Variants in MIDEAS observed in about 807,000 individuals in gnomAD.
MIDEAS encodes mitotic deacetylase associated SANT domain protein, also known as mitotic deacetylase-associated SANT domain protein.
Under a neutral mutation model 102.7 loss-of-function variants are expected in MIDEAS, and 26 were observed. That is an observed-to-expected ratio of 0.25 (90% CI 0.19 to 0.35). The LOEUF (loss-of-function observed/expected upper bound fraction) is 0.35, where lower values mean the gene tolerates loss of function less well. MIDEAS is among the 10% of genes least tolerant of loss of function. The pLI is 1.00. For synonymous variants in MIDEAS, 585 were observed against 591.0 expected (o/e 0.99, Z 0.15); for missense variants, 1,231 against 1,435.6 (o/e 0.86, Z 2.30).
intron 3 of MIDEAS, among the ~76,000 whole-genome samples, chr14:73,731,614 T>C (rs1241476902): frequency 1.3e-5 from 2 of 152,252 alleles, no homozygotes; most frequent in African/African-American, 2.4e-5. Context: ...AAAATAGTCA[T>C]GTTCATTTTT....
At position 73,759,766 on chromosome 14, in the gene MIDEAS, G is replaced by A. The variant is rs2140156220; in HGVS notation, c.-251C>T. The A allele has an allele frequency of 6.6e-6, 1 of 151,822 alleles. No homozygotes were observed. The highest frequency in any genetic ancestry group is 3.4e-3 in the Middle Eastern group (1 of 292). The allele number at this position is 151,822 out of a possible 1,614,324, so 9.4% of individuals were successfully genotyped here. A position where few individuals can be genotyped will look rare whatever the true frequency, so the allele number is the denominator to read the frequency against. The stretch of plus-strand genomic sequence containing the variant: ...CCGGCCAGGCAGCCCCACTTACCCA[G>A]CTCTTGCCCGGGCTCCGGGCTCCGG... On this transcript the variant is annotated 5_prime_UTR_variant, in exon 1 of 13. Transcript: ENST00000423556. This position sits in a 1 kb window ranked among gnomAD's most constrained non-coding sequence, Gnocchi z 6.7.
intron 1 of MIDEAS, among the ~76,000 whole-genome samples, chr14:73,778,155 G>A (rs1173141054): frequency 6.6e-6 from 1 of 151,900 alleles, no homozygotes; most frequent in African/African-American, 2.4e-5. Flanking sequence ...AGGAGTTCAG[G>A]AGCAGCCTGG....
rs570189202 is a variant in MIDEAS at position 73,735,135 on chromosome 14, C to T, written c.1749+1863G>A. On this transcript the variant is annotated intron_variant, in intron 3 of 12. Transcript: ENST00000423556. Reference sequence around the variant, plus strand: ...GGGGACTGGGGAGATGCTGGTCAAACGAAATATAATTTCAGTTAGGAAAAA... The same window carrying T: ...GGGGACTGGGGAGATGCTGGTCAAATGAAATATAATTTCAGTTAGGAAAAA... 1.8e-4 allele frequency among the ~76,000 whole-genome samples: 27 copies of T among 152,076 alleles called. 1 individual carries two copies. In the South Asian group the frequency reaches 5.4e-3, roughly 30 times the overall value.
At chr14:73,720,261 T>C (rs1194489082) in intron 11 of MIDEAS, among the ~76,000 whole-genome samples, 5 of 136,134 alleles carry the variant, frequency 3.7e-5, no homozygotes, top group African/African-American at 1.1e-4. Flanking sequence ...TTTTTTGAGA[T>C]GGAGTCTTGC....
In MIDEAS at chr14:73,726,071, C is replaced by T. The variant is rs1224693032; in HGVS notation, c.2447G>A (p.Arg816Gln). Residue 816 changes from arginine to glutamine, a missense_variant, in exon 8 of 13, where the codon CGG becomes CAG. Physicochemically the swap from Arg to Gln is conservative, Grantham distance 43 (BLOSUM62 1). This residue lies in a region of MIDEAS where 391 missense variants were observed against 483.0 expected (regional missense o/e 0.81). Transcript: ENST00000423556. ...AGTTGCCAGCGGATGGTTGTGGGGC[C>T]GCAGGGGCTTCTTCAGCAGCAGCTT... ...LNKLLLKKPLRPHNHPLATYH... is the reference protein window; with the variant it reads ...LNKLLLKKPLQPHNHPLATYH... The T allele has an allele frequency of 5.0e-6, 8 of 1,598,918 alleles. No homozygotes were observed. The highest frequency in any genetic ancestry group is 3.4e-5 in the South Asian group (3 of 87,910).
intron 11 of MIDEAS, 111 bp from the exon 12 acceptor site, chr14:73,719,612 A>C: frequency 9.2e-7 from 1 of 1,081,666 alleles, no homozygotes; most frequent in African/African-American, 1.6e-5. Context: ...CCTGCCAAAC[A>C]GTCACCTAGC....
Position 73,738,615 on chromosome 14 carries a change from T to G in MIDEAS, c.1394A>C (p.Asn465Thr). ...AGCCTTCTGGGCCAGGGTCAGCAAA[T>G]TGGCCTCCTGGGATGCCCGGCGCCT... ...RRRRRASQEA[N>T]LLTLAQKAVE... The change falls in exon 2 of 13, where the codon AAT becomes ACT. Residue 465 changes from asparagine (N) to threonine (T), a missense_variant. By Grantham distance (65) the Asn-to-Thr change is moderately conservative (BLOSUM62 0). Around this residue, in one of 5 missense-constraint regions of MIDEAS, gnomAD observed 758 missense variants for 856.0 expected, o/e 0.89. Coordinates refer to ENST00000423556, the MANE Select transcript of MIDEAS (RefSeq NM_001367710.1). 1 of 1,610,924 alleles carries G rather than the reference T, an allele frequency of 6.2e-7. No individual in the cohort carries two copies. Among genetic ancestry groups the G allele is most frequent in the Non-Finnish European group, 8.5e-7 (1 of 1,178,360 alleles).
chr14:73,740,568 C>G (rs753527251), intron 1 of MIDEAS, among the ~76,000 whole-genome samples: 13 of 152,232 alleles, frequency 8.5e-5, no homozygotes, highest in Non-Finnish European at 1.5e-4. Flanking sequence ...TAGGCACATT[C>G]TAAGGCACAG....
rs1007256201 is a variant in MIDEAS at position 73,715,554 on chromosome 14, A to T, written c.*3289T>A. 6.6e-6 allele frequency: 1 copy of T among 152,466 alleles called. No homozygotes were observed. The highest frequency in any genetic ancestry group is 1.5e-5 in the Non-Finnish European group (1 of 68,048). 9.4% of individuals were successfully genotyped at this position (152,466 alleles called of 1,614,324 possible). A position where few individuals can be genotyped will look rare whatever the true frequency, so the allele number is the denominator to read the frequency against. On this transcript the variant is annotated 3_prime_UTR_variant, in exon 13 of 13. Transcript: ENST00000423556. ...TGAGGAAAAAGTGAAACAGCTGCAAATTGTTAGAAGCAAATATTAACATAG... is the reference window on the plus strand; with the variant it reads ...TGAGGAAAAAGTGAAACAGCTGCAATTTGTTAGAAGCAAATATTAACATAG...
rs192370394 is a variant in MIDEAS, at chr14:73,715,934, T to C, written c.*2909A>G. The C allele has an allele frequency of 6.6e-6, 1 of 152,434 alleles. No homozygotes were observed. The highest frequency in any genetic ancestry group is 1.9e-4 in the East Asian group (1 of 5,186). The allele number at this position is 152,434 out of a possible 1,614,324, so 9.4% of individuals were successfully genotyped here. On this transcript the variant is annotated 3_prime_UTR_variant, in exon 13 of 13. Transcript: ENST00000423556. ...GGAGGACAGTAATGACGGCTGTGCC[T>C]CCTTGGATGGTGGAGACCTCAGAAA... is the stretch of plus-strand genomic sequence containing the variant.
At chr14:73,764,961 T>A (rs12891977), upstream of MIDEAS, among the ~76,000 whole-genome samples, 3 of 152,038 alleles carry the variant, frequency 2.0e-5, no homozygotes, top group Non-Finnish European at 4.4e-5. Context: ...TCTGGCCGGG[T>A]GTAGGGAGAA....
chr14:73,719,325 G>A lies in MIDEAS; in HGVS notation c.3114C>T (p.Phe1038=), dbSNP rs1426339439. 2 of 1,613,710 alleles carry A rather than the reference G, an allele frequency of 1.2e-6. No individual in the cohort carries two copies. The highest frequency in any genetic ancestry group is 2.2e-5 in the South Asian group (2 of 91,054). The change falls in exon 12 of 13, where the codon TTC becomes TTT. Residue 1038 remains phenylalanine (F), a synonymous_variant. Coordinates refer to ENST00000423556, the MANE Select transcript of MIDEAS (RefSeq NM_001367710.1). ...CTTACCTGCCACATTTTTTACAGGGGAAAGTGTTCTCCTGATTCTGGGTCT... is the reference window on the plus strand; with the variant it reads ...CTTACCTGCCACATTTTTTACAGGGAAAAGTGTTCTCCTGATTCTGGGTCT... ...FSKTQNQENT[F]PCKKCGRVFY... is the part of the protein sequence containing the mutation.
At chr14:73,740,314 C>T (rs2053267065) in intron 1 of MIDEAS, 59 bp from the exon 2 acceptor site, 3 of 400,616 alleles carry the variant, frequency 7.5e-6, no homozygotes, top group South Asian at 1.3e-4. Flanking sequence ...CCCCGAACAT[C>T]AGCACAAGTG....
In MIDEAS at chr14:73,725,063, C is replaced by T; in HGVS notation, c.2574+209G>A. The T allele has an allele frequency of 2.1e-6, 1 of 483,950 alleles. No homozygotes were observed. The highest frequency in any genetic ancestry group is 3.8e-6 in the Non-Finnish European group (1 of 262,138). The allele number at this position is 483,950 out of a possible 1,614,324, so 30.0% of individuals were successfully genotyped here. ...GAGACCCCAGAGCTTGGCCACCCTA[C>T]CCTGAAGTGAGGAAAGGATGCTTAG... On this transcript the variant is annotated intron_variant, in intron 9 of 12. Transcript: ENST00000423556. The surrounding 1 kb of genome is among the most constrained non-coding windows in gnomAD (Gnocchi z 4.1).
chr14:73,725,472 A>G lies in MIDEAS; in HGVS notation c.2486-112T>C. 1 of 802,360 alleles carries G rather than the reference A, an allele frequency of 1.2e-6. No individual in the cohort carries two copies. Among genetic ancestry groups the G allele is most frequent in the Non-Finnish European group, 2.1e-6 (1 of 472,812 alleles). The allele number at this position is 802,360 out of a possible 1,614,324, so 49.7% of individuals were successfully genotyped here. A position where few individuals can be genotyped will look rare whatever the true frequency, so the allele number is the denominator to read the frequency against. On this transcript the variant is annotated intron_variant, in intron 8 of 12. Transcript: ENST00000423556. The surrounding 1 kb of genome is among the most constrained non-coding windows in gnomAD (Gnocchi z 4.1). ...CCATCCGCCCATGGTTTCTGCAGGC[A>G]TCAGAGCCGGCTCCTCGTCCCACTT...
At chr14:73,727,088 G>T in intron 5 of MIDEAS, 116 bp from the exon 6 acceptor site, 1 of 1,316,680 alleles carries the variant, frequency 7.6e-7, no homozygotes, top group Non-Finnish European at 1.0e-6. Context: ...GCCTCAGCTA[G>T]GTGTAGGGAG....
rs1456218899 is a variant in MIDEAS at position 73,715,396 on chromosome 14, GATC to G, written c.*3444_*3446del. Reference sequence around the variant, plus strand: ...AGCAAACACACAAAAGGCAGTGTCTGATCATTTTTGTTTCAAAATAAAAGGAAT... The same window carrying G: ...AGCAAACACACAAAAGGCAGTGTCTGATTTTTGTTTCAAAATAAAAGGAAT... On this transcript the variant is annotated 3_prime_UTR_variant, in exon 13 of 13. Transcript: ENST00000423556. 2 of 152,712 alleles carry G rather than the reference GATC, an allele frequency of 1.3e-5. No individual in the cohort carries two copies. 9.5% of individuals were successfully genotyped at this position (152,712 alleles called of 1,614,324 possible).
intron 1 of MIDEAS, among the ~76,000 whole-genome samples, chr14:73,783,724 G>T (rs2053778036): frequency 6.6e-6 from 1 of 152,204 alleles, no homozygotes; most frequent in African/African-American, 2.4e-5. Context: ...AAGGTTTAAG[G>T]GGCTCACAAA....
chr14:73,745,756 C>G (rs1242880520), intron 1 of MIDEAS, among the ~76,000 whole-genome samples: 1 of 152,218 alleles, frequency 6.6e-6, no homozygotes, highest in Non-Finnish European at 1.5e-5. Context: ...TTCTGCAAGC[C>G]ACTGGACACA....
Sources: allele counts gnomAD v4.1 joint callset (sites outside exome capture counted in the v4.1 genomes callset), GRCh38; gene constraint gnomAD v4.1.1; regional missense constraint gnomAD v4.1.1; non-coding constraint Gnocchi (gnomAD v3.1); transcripts MANE v1.5; gene names NCBI Gene and HGNC (gene_info 2026-07-23, HGNC 2026-07-21).